Variants in DNAJC13 observed in about 807,000 individuals in gnomAD.
DNAJC13 encodes the protein DnaJ heat shock protein family (Hsp40) member C13.
Under a neutral mutation model 290.5 loss-of-function variants are expected in DNAJC13, and 75 were observed. The ratio of observed to expected loss-of-function variants is 0.26; its 90% CI spans 0.21 to 0.31. The LOEUF is 0.31. Among genes scored for constraint, DNAJC13 ranks in the 10% least tolerant of loss-of-function variants. The pLI is 1.00. For synonymous variants in DNAJC13, 862 were observed against 892.0 expected, an observed-to-expected ratio of 0.97 and a Z score of 0.60; for missense variants, 2,260 against 2,674.5, an observed-to-expected ratio of 0.85 and a Z score of 3.42.
intron 1 of DNAJC13, among the ~76,000 whole-genome samples, 173 bp from the exon 2 acceptor site, chr3:132,434,365 G>A (rs1296773580): frequency 6.0e-5 from 9 of 149,088 alleles, no homozygotes; most frequent in Admixed American, 2.0e-4. Flanking sequence ...CAGCCTGGGC[G>A]ACAGAGCGAG....
At chr3:132,423,171 C>T (rs1305829273) in intron 1 of DNAJC13, among the ~76,000 whole-genome samples, 1 of 151,912 alleles carries the variant, frequency 6.6e-6, no homozygotes, top group Non-Finnish European at 1.5e-5. Context: ...GACGTGTGCT[C>T]GGGAGGCTGA....
chr3:132,496,859 C>A (rs1477554621), intron 36 of DNAJC13, among the ~76,000 whole-genome samples, 196 bp downstream of exon 36: 1 of 152,160 alleles, frequency 6.6e-6, no homozygotes, highest in African/African-American at 2.4e-5. Flanking sequence ...TTATATCTTT[C>A]CCTTCATAAC....
chr3:132,502,858 A>G lies in DNAJC13; in HGVS notation c.4717-356A>G, dbSNP rs112915980. Among the ~76,000 whole-genome samples the G allele has an allele frequency of 9.2e-5, 14 of 152,246 alleles. No homozygotes were observed. The East Asian group carries it at 2.3e-3, about 25-fold the overall frequency. On this transcript the variant is annotated intron_variant, in intron 40 of 55. Transcript: ENST00000260818. Reference sequence around the variant, plus strand: ...TTATAGATATTTTTCTGTCTCTTCTATGTGCTCTCATTTATTGCTCATATT... The same window carrying G: ...TTATAGATATTTTTCTGTCTCTTCTGTGTGCTCTCATTTATTGCTCATATT...
At chr3:132,511,347 G>A in intron 44 of DNAJC13, 103 bp downstream of exon 44, 1 of 1,316,542 alleles carries the variant, frequency 7.6e-7, no homozygotes, top group Non-Finnish European at 1.1e-6. Context: ...ATTATACTTG[G>A]TTATAATGTA....
At chr3:132,506,385 A>G (rs954621340) in intron 42 of DNAJC13, among the ~76,000 whole-genome samples, 2 of 150,936 alleles carry the variant, frequency 1.3e-5, no homozygotes, top group African/African-American at 2.4e-5. Context: ...AATAGACATA[A>G]TAACATCTCT....
intron 6 of DNAJC13, among the ~76,000 whole-genome samples, chr3:132,451,205 T>C (rs1444306708): frequency 6.6e-6 from 1 of 152,126 alleles, no homozygotes; most frequent in Non-Finnish European, 1.5e-5. Flanking sequence ...CTCACACCTA[T>C]AATCCCAGCA....
At chr3:132,417,931 T>C (rs545844206) in intron 1 of DNAJC13, among the ~76,000 whole-genome samples, 171 bp downstream of exon 1, 5 of 152,160 alleles carry the variant, frequency 3.3e-5, no homozygotes, top group Non-Finnish European at 5.9e-5. Context: ...CTGGTTCCTT[T>C]CGTTGGACGC....
At position 132,447,304 on chromosome 3, in the gene DNAJC13, A is replaced by AT. The variant is rs377096498; in HGVS notation, c.145-4dup. ...CTGTATTATAGTAGCACCAGTCAAA[A>AT]TTTTTTTTTTTTTAAGTGGCCTTAT... On this transcript the variant is annotated splice_polypyrimidine_tract_variant and intron_variant, in intron 3 of 55. Transcript: ENST00000260818. 17,113 of 1,082,016 alleles carry AT rather than the reference A, an allele frequency of 0.016. No individual in the cohort carries two copies. Among genetic ancestry groups the AT allele is most frequent in the South Asian group, 0.03 (1,735 of 57,006 alleles). The allele number at this position is 1,082,016 out of a possible 1,614,324, so 67.0% of individuals were successfully genotyped here. A position where few individuals can be genotyped will look rare whatever the true frequency, so the allele number is the denominator to read the frequency against.
intron 33 of DNAJC13, among the ~76,000 whole-genome samples, chr3:132,493,529 A>G (rs1935131096): frequency 6.6e-6 from 1 of 152,058 alleles, no homozygotes; most frequent in South Asian, 2.1e-4. Flanking sequence ...GTTTTTATTT[A>G]TTGATCAAAT....
intron 55 of DNAJC13, among the ~76,000 whole-genome samples, chr3:132,533,585 C>T (rs1936495116): frequency 6.6e-6 from 1 of 152,070 alleles, no homozygotes; most frequent in Admixed American, 6.5e-5. Flanking sequence ...ATCCACCCGC[C>T]TCAAATGATC....
intron 3 of DNAJC13, among the ~76,000 whole-genome samples, 180 bp downstream of exon 3, chr3:132,446,730 A>T (rs1470369940): frequency 9.3e-6 from 1 of 107,346 alleles, no homozygotes; most frequent in African/African-American, 3.7e-5. Flanking sequence ...ATAAATAAAC[A>T]GGAGGGGGAG....
intron 2 of DNAJC13, among the ~76,000 whole-genome samples, chr3:132,436,272 T>C (rs1020746858): frequency 5.3e-5 from 8 of 152,214 alleles, no homozygotes; most frequent in African/African-American, 1.9e-4. Flanking sequence ...TCTGGATTTG[T>C]CTATTTGGAA....
chr3:132,435,689 AG>A (rs1576458630), intron 2 of DNAJC13, among the ~76,000 whole-genome samples: 2 of 152,186 alleles, frequency 1.3e-5, no homozygotes, highest in Admixed American at 1.3e-4. Flanking sequence ...TGGCATATCC[AG>A]GGTAGTATGA....
At chr3:132,507,825 G>T (rs1052961172) in intron 43 of DNAJC13, among the ~76,000 whole-genome samples, 3 of 152,186 alleles carry the variant, frequency 2.0e-5, no homozygotes, top group East Asian at 1.9e-4. Flanking sequence ...ACCCTGCAAC[G>T]GCCTCTAGGT....
intron 29 of DNAJC13, among the ~76,000 whole-genome samples, chr3:132,487,575 T>TTTTTTC (rs1934921438): frequency 6.7e-6 from 1 of 150,142 alleles, no homozygotes; most frequent in Non-Finnish European, 1.5e-5. Flanking sequence ...TTTTTTTTTT[T>TTTTTTC]TTTTACTGGG....
chr3:132,476,341 T>G (rs1439250443), intron 22 of DNAJC13, among the ~76,000 whole-genome samples: 1 of 152,216 alleles, frequency 6.6e-6, no homozygotes, highest in Non-Finnish European at 1.5e-5. Flanking sequence ...CTCCTTATTT[T>G]CTAGTGAAAA....
intron 2 of DNAJC13, among the ~76,000 whole-genome samples, chr3:132,438,979 C>G (rs2107653840): frequency 6.6e-6 from 1 of 152,262 alleles, no homozygotes; most frequent in Admixed American, 6.5e-5. Context: ...AAGGAAAGTT[C>G]AGATGTTTCA....
At chr3:132,506,045 C>CATTTTTTTTTTTTTT (rs1935573766) in intron 42 of DNAJC13, among the ~76,000 whole-genome samples, 1 of 72,648 alleles carries the variant, frequency 1.4e-5, no homozygotes, top group Admixed American at 2.1e-4. Flanking sequence ...TGTACATTAT[C>CATTTTTTTTTTTTTT]TTTTTTTTTT....
At position 132,456,737 on chromosome 3, in the gene DNAJC13, C is replaced by T. The variant is rs769897720; in HGVS notation, c.1254C>T (p.Val418=). The T allele has an allele frequency of 5.0e-6, 8 of 1,614,070 alleles. No homozygotes were observed. Among genetic ancestry groups the T allele is most frequent in the South Asian group, 2.2e-5 (2 of 91,088 alleles). ...CATTACTGTCCCAAGAAGGGGATGT[C>T]GTTGCTTCAAATGCGGAACTTGAGA... ...ITALLSQEGD[V]VASNAELESQ... Residue 418 remains valine (V), a synonymous_variant, in exon 12 of 56, where the codon GTC becomes GTT. Transcript: ENST00000260818.
Sources: gnomAD v4.1 joint callset for allele counts (sites outside exome capture counted in the v4.1 genomes callset) on GRCh38, gnomAD v4.1.1 for gene constraint, MANE v1.5 for transcripts, NCBI Gene and HGNC (gene_info 2026-07-23, HGNC 2026-07-21) for gene names.